LRFN2: variants seen among roughly 807,000 people sequenced by gnomAD.
LRFN2 encodes the protein leucine rich repeat and fibronectin type III domain containing 2.
In LRFN2, 18 loss-of-function variants were observed where a neutral mutation model predicts 37.3. The observed-to-expected ratio is 0.48, with a 90% CI of 0.33 to 0.72. The LOEUF is 0.72. Ranked by LOEUF, LRFN2 falls within the 30% of genes least tolerant of loss-of-function variation. The pLI is 0.02. For synonymous variants in LRFN2, 556 were observed against 466.6 expected, an observed-to-expected ratio of 1.19 and a Z score of -2.47; for missense variants, 1,006 against 1,060.7, an observed-to-expected ratio of 0.95 and a Z score of 0.72.
At chr6:40,457,630 C>A (rs1161778218) in intron 1 of LRFN2, among the ~76,000 whole-genome samples, 2 of 114,618 alleles carry the variant, frequency 1.7e-5, no homozygotes, top group Non-Finnish European at 3.6e-5. Context: ...CAAAGAAAGA[C>A]CCTGTTTAAA....
chr6:40,581,061 A>C (rs1432145428), intron 1 of LRFN2, among the ~76,000 whole-genome samples: 10 of 151,996 alleles, frequency 6.6e-5, no homozygotes, highest in Non-Finnish European at 1.5e-5. Flanking sequence ...TGGGGAGGAA[A>C]GAGACACCCT....
intron 1 of LRFN2, among the ~76,000 whole-genome samples, chr6:40,530,267 G>A (rs2113908650): frequency 6.6e-6 from 1 of 152,310 alleles, no homozygotes; most frequent in South Asian, 2.1e-4. Context: ...AGGGAAGAAT[G>A]CTCTACATTC....
At chr6:40,498,591 G>A (rs550584681) in intron 1 of LRFN2, among the ~76,000 whole-genome samples, 1 of 152,160 alleles carries the variant, frequency 6.6e-6, no homozygotes, top group South Asian at 2.1e-4. Context: ...AGATATCCAA[G>A]GACACTCGTT....
At chr6:40,445,012 C>A (rs1418953957) in intron 1 of LRFN2, among the ~76,000 whole-genome samples, 1 of 152,090 alleles carries the variant, frequency 6.6e-6, no homozygotes, top group African/African-American at 2.4e-5. Flanking sequence ...CCACCTCACC[C>A]CCCCAGGGAC....
chr6:40,399,438 C>CTTTTTTT (rs71543989), intron 2 of LRFN2, among the ~76,000 whole-genome samples: 1 of 108,924 alleles, frequency 9.2e-6, no homozygotes, highest in Non-Finnish European at 1.8e-5. Context: ...TTTTTTTTTT[C>CTTTTTTT]TTTTTTTTTT....
In LRFN2 at chr6:40,522,189, A is replaced by G. The variant is rs75884917; in HGVS notation, c.-19+64752T>C. On this transcript the variant is annotated intron_variant, in intron 1 of 2. Coordinates refer to ENST00000338305, the MANE Select transcript of LRFN2 (RefSeq NM_020737.3). Reference sequence around the variant, plus strand: ...TGCACCAGTGCAGGGCAAAACATGGAAAAACTAAATGGCAATGTGGGACCG... The same window carrying G: ...TGCACCAGTGCAGGGCAAAACATGGGAAAACTAAATGGCAATGTGGGACCG... Among the ~76,000 whole-genome samples the G allele has an allele frequency of 6.8e-3, 1,031 of 152,242 alleles. 83 individuals are homozygous for G. The East Asian group carries it at 0.16, about 24-fold the overall frequency.
intron 1 of LRFN2, among the ~76,000 whole-genome samples, chr6:40,549,824 G>A (rs1766736233): frequency 6.6e-6 from 1 of 152,056 alleles, no homozygotes; most frequent in South Asian, 2.1e-4. Flanking sequence ...GATCACCTGA[G>A]GTAAGGAGTT....
chr6:40,504,081 G>T (rs1310697783), intron 1 of LRFN2, among the ~76,000 whole-genome samples: 4 of 152,200 alleles, frequency 2.6e-5, no homozygotes, highest in Non-Finnish European at 5.9e-5. Context: ...AATGGGTTCA[G>T]GGCTGGGGTA....
intron 1 of LRFN2, among the ~76,000 whole-genome samples, chr6:40,534,712 C>A (rs1766418014): frequency 6.6e-6 from 1 of 152,198 alleles, no homozygotes; most frequent in African/African-American, 2.4e-5. Flanking sequence ...GCTCATTCCT[C>A]ACCTTCCTTC....
At chr6:40,440,585 C>A (rs146991663) in intron 1 of LRFN2, among the ~76,000 whole-genome samples, 1 of 152,306 alleles carries the variant, frequency 6.6e-6, no homozygotes, top group African/African-American at 2.4e-5. Flanking sequence ...TGACTCAATG[C>A]AAGTGCATGC....
intron 1 of LRFN2, among the ~76,000 whole-genome samples, chr6:40,523,498 T>A: frequency 7.7e-6 from 1 of 129,070 alleles, no homozygotes; most frequent in African/African-American, 3.2e-5. Context: ...TAAAGCATCT[T>A]TAGGTGATTT....
At chr6:40,478,541 A>G (rs1170964916) in intron 1 of LRFN2, among the ~76,000 whole-genome samples, 1 of 152,218 alleles carries the variant, frequency 6.6e-6, no homozygotes, top group African/African-American at 2.4e-5. Context: ...GCAGTGAGGA[A>G]ATAATCCATT....
intron 2 of LRFN2, among the ~76,000 whole-genome samples, chr6:40,408,654 C>T (rs370397660): frequency 1.3e-5 from 2 of 152,252 alleles, no homozygotes; most frequent in Admixed American, 6.5e-5. Flanking sequence ...GATTACTTAC[C>T]CTCTGCCTCA....
chr6:40,401,473 G>C (rs1762739968), intron 2 of LRFN2, among the ~76,000 whole-genome samples: 1 of 152,196 alleles, frequency 6.6e-6, no homozygotes, highest in East Asian at 1.9e-4. Flanking sequence ...TCTCCCATAA[G>C]GAAGGTCTCC....
chr6:40,485,969 C>G (rs1764947817), intron 1 of LRFN2, among the ~76,000 whole-genome samples: 1 of 152,202 alleles, frequency 6.6e-6, no homozygotes, highest in Non-Finnish European at 1.5e-5. Flanking sequence ...GGAGCTCAGC[C>G]CCCCTGGGGA....
At chr6:40,580,435 G>A (rs1767377955) in intron 1 of LRFN2, among the ~76,000 whole-genome samples, 1 of 152,122 alleles carries the variant, frequency 6.6e-6, no homozygotes, top group Admixed American at 6.5e-5. Flanking sequence ...CTTTAACCAG[G>A]GACAAAATAT....
intron 1 of LRFN2, among the ~76,000 whole-genome samples, chr6:40,539,360 T>C (rs983373362): frequency 1.3e-5 from 2 of 152,208 alleles, no homozygotes; most frequent in Non-Finnish European, 2.9e-5. Context: ...GCCTGGCAGC[T>C]GACAAGGGTT....
In LRFN2 at chr6:40,454,075, A is replaced by G. The variant is rs945663823; in HGVS notation, c.-18-20944T>C. Among the ~76,000 whole-genome samples the G allele has an allele frequency of 5.9e-5, 9 of 152,212 alleles. No homozygotes were observed. In the South Asian group the frequency reaches 8.3e-4, roughly 14 times the overall value. On this transcript the variant is annotated intron_variant, in intron 1 of 2. Transcript: ENST00000338305. ...AGTTGGGATGCTCCAGACCAAGACC[A>G]TTGATCATTTAAAACCTCCTTGGAT...
intron 1 of LRFN2, among the ~76,000 whole-genome samples, chr6:40,453,331 C>T (rs1047408224): frequency 1.3e-5 from 2 of 152,098 alleles, no homozygotes; most frequent in Admixed American, 6.5e-5. Flanking sequence ...TGTGCATTGA[C>T]ATGGCACAAT....
Sources: allele counts gnomAD v4.1 joint callset (sites outside exome capture counted in the v4.1 genomes callset), GRCh38; gene constraint gnomAD v4.1.1; transcripts MANE v1.5; gene names NCBI Gene and HGNC (gene_info 2026-07-23, HGNC 2026-07-21).